PAQR9: variants seen among roughly 807,000 people sequenced by gnomAD.
PAQR9 encodes membrane progestin receptor epsilon.
In PAQR9, 12 loss-of-function variants were observed where a neutral mutation model predicts 24.0. The observed-to-expected ratio is 0.50, with a 90% confidence interval of 0.32 to 0.81. The LOEUF (loss-of-function observed/expected upper bound fraction) is 0.81. Among genes scored for constraint, PAQR9 ranks in the 30% least tolerant of loss-of-function variants. PAQR9 has a pLI of 0.03. For synonymous variants in PAQR9, 266 were observed against 237.6 expected (o/e 1.12, Z -1.10); for missense variants, 418 against 520.8 (o/e 0.80, Z 1.92).
At position 142,962,398 on chromosome 3, in the gene PAQR9, G is replaced by C. The variant is rs1345551886; in HGVS notation, c.939C>G (p.Leu313=). ...LFDIIGHSHQ[L]FHIFTFLSIY... ...TGCTGAGGAAGGTGAAGATGTGGAA[G>C]AGCTGGTGGCTGTGGCCGATAATGT... Residue 313 remains leucine, a synonymous_variant, in exon 1 of 1, where the codon CTC becomes CTG. Transcript: ENST00000340634. 1 of 1,614,198 alleles carries C rather than the reference G, an allele frequency of 6.2e-7. No individual in the cohort carries two copies. Among genetic ancestry groups the C allele is most frequent in the South Asian group, 1.1e-5 (1 of 91,088 alleles).
Position 142,954,862 on chromosome 3 carries a change from T to G in PAQR9, c.*7341A>C, listed in dbSNP as rs1474395361. Among the ~76,000 whole-genome samples the G allele has an allele frequency of 6.6e-6, 1 of 152,196 alleles. No individual in the cohort carries two copies. Among genetic ancestry groups the G allele is most frequent in the East Asian group, 1.9e-4 (1 of 5,200 alleles). On this transcript the variant is annotated 3_prime_UTR_variant, in exon 1 of 1. Coordinates refer to ENST00000340634, the MANE Select transcript of PAQR9 (RefSeq NM_198504.4). ...TTTTCTGTTAGAATACACTATTGAT[T>G]TGAAACCACATGTTAGTCCATGCCT... is the stretch of plus-strand genomic sequence containing the variant.
rs763766829 is a variant in PAQR9 at position 142,962,307 on chromosome 3, G to A, written c.1030C>T (p.Pro344Ser). The stretch of plus-strand genomic sequence containing the variant: ...TAGCCCACAGTACCCGAGAAAGTGG[G>A]TGCGGCAGGCGGCGCCTGGAGGAAC... Reference protein sequence around the residue: ...RQFLQAPPAAPTFSGTVGYML... With the variant: ...RQFLQAPPAASTFSGTVGYML... Residue 344 changes from proline to serine, a missense_variant, in exon 1 of 1, where the codon CCC (proline) becomes TCC (serine). Pro to Ser is a moderately conservative substitution (Grantham distance 74, BLOSUM62 -1). Transcript: ENST00000340634. The A allele has an allele frequency of 1.9e-6, 3 of 1,614,168 alleles. No homozygotes were observed. Among genetic ancestry groups the A allele is most frequent in the East Asian group, 2.2e-5 (1 of 44,882 alleles).
At chr3:142,949,930 T>C (rs1426170822), downstream of PAQR9, 2 of 152,230 alleles carry the variant, frequency 1.3e-5, no homozygotes, top group African/African-American at 4.8e-5. Context: ...TTTTCAGTTT[T>C]AGAAGTTTCT....
upstream of PAQR9, chr3:142,963,677 G>T: frequency 1.6e-6 from 1 of 615,260 alleles, no homozygotes; most frequent in Non-Finnish European, 2.0e-6. Flanking sequence ...CGGTGACTGG[G>T]CATCGCGCGG....
upstream of PAQR9, chr3:142,963,712 C>T: frequency 6.4e-6 from 5 of 775,496 alleles, no homozygotes; most frequent in Non-Finnish European, 7.8e-6. Context: ...CCGCCGCCGC[C>T]CCCGGAGCGG....
downstream of PAQR9, chr3:142,951,632 G>A (rs755345471): frequency 3.1e-5 from 14 of 449,252 alleles, no homozygotes; most frequent in Middle Eastern, 4.4e-3. Context: ...TTACAGGAGT[G>A]GACTCAAGGT....
rs9854774 is a variant in PAQR9, at chr3:142,955,649, T to A, written c.*6554A>T. Among the ~76,000 whole-genome samples, 6,633 of 152,060 alleles carry A rather than the reference T, an allele frequency of 0.044. 281 individuals are homozygous for A. Among genetic ancestry groups the A allele is most frequent in the African/African-American group, 0.11 (4,529 of 41,460 alleles). On this transcript the variant is annotated 3_prime_UTR_variant, in exon 1 of 1. Coordinates refer to ENST00000340634, the MANE Select transcript of PAQR9 (RefSeq NM_198504.4). ...CACCATGCTTATAAACTCATCAAAG[T>A]GAAAGGTGCCTCACCTCTTTATTGC...
In PAQR9 at chr3:142,963,046, G is replaced by T; in HGVS notation, c.291C>A (p.Phe97Leu). Residue 97 changes from phenylalanine (F) to leucine (L), a missense_variant, in exon 1 of 1, where the codon TTC becomes TTA. Coordinates refer to ENST00000340634, the MANE Select transcript of PAQR9 (RefSeq NM_198504.4). The stretch of plus-strand genomic sequence containing the variant: ...AGAACAGACGGCAGAACTTGCTCAG[G>T]AACAGCAGCAGCGGGATGAAGTGCG... ...FWTHFIPLLL[F>L]LSKFCRLFFL... 6.2e-7 allele frequency: 1 copy of T among 1,614,168 alleles called. No individual in the cohort carries two copies. The highest frequency in any genetic ancestry group is 8.5e-7 in the Non-Finnish European group (1 of 1,180,026).
At position 142,958,674 on chromosome 3, in the gene PAQR9, G is replaced by GT. The variant is rs1179559185; in HGVS notation, c.*3528dup. On this transcript the variant is annotated 3_prime_UTR_variant, in exon 1 of 1. Transcript: ENST00000340634. The stretch of plus-strand genomic sequence containing the variant: ...GTATCACTATAAATTAGGCTAAATT[G>GT]TTTTTTGACTGCAAGCACTTACAAG... Among the ~76,000 whole-genome samples the GT allele has an allele frequency of 6.6e-6, 1 of 152,156 alleles. No individual in the cohort carries two copies. Among genetic ancestry groups the GT allele is most frequent in the African/African-American group, 2.4e-5 (1 of 41,440 alleles).
chr3:142,962,174 G>GA lies in PAQR9; in HGVS notation c.*28dup. On this transcript the variant is annotated 3_prime_UTR_variant, in exon 1 of 1. Transcript: ENST00000340634. ...CAACAGAAACTCCAAACAGATGGGC[G>GA]AACCAGTAGTCTCCTCCAAGGCGGA... 1 of 1,594,550 alleles carries GA rather than the reference G, an allele frequency of 6.3e-7. No homozygotes were observed.
At chr3:142,951,296 A>G (rs1259788247), downstream of PAQR9, among the ~76,000 whole-genome samples, 3 of 152,174 alleles carry the variant, frequency 2.0e-5, no homozygotes, top group Non-Finnish European at 4.4e-5. Context: ...TTAAGTAAAC[A>G]TTATGGAAAA....
At chr3:142,954,445 C>T (rs923587821), downstream of PAQR9, among the ~76,000 whole-genome samples, 139 of 152,302 alleles carry the variant, frequency 9.1e-4, no homozygotes, top group African/African-American at 3.2e-3. Context: ...TTGCCTTCTG[C>T]CTGCTGCATT....
chr3:142,962,711 T>C lies in PAQR9; in HGVS notation c.626A>G (p.Tyr209Cys). Residue 209 changes from tyrosine to cysteine, a missense_variant, in exon 1 of 1, where the codon TAC becomes TGC. Transcript: ENST00000340634. ...HVDCTRLIAA[Y>C]RALVLPVAFV... Reference sequence around the variant, plus strand: ...GGCCACAGGCAGCACCAGGGCGCGGTAGGCGGCGATAAGGCGCGTGCAGTC... The same window carrying C: ...GGCCACAGGCAGCACCAGGGCGCGGCAGGCGGCGATAAGGCGCGTGCAGTC... 2 of 1,612,590 alleles carry C rather than the reference T, an allele frequency of 1.2e-6. No individual in the cohort carries two copies. The highest frequency in any genetic ancestry group is 1.7e-6 in the Non-Finnish European group (2 of 1,179,696).
At chr3:142,954,135 C>T (rs1241375766), downstream of PAQR9, among the ~76,000 whole-genome samples, 1 of 152,180 alleles carries the variant, frequency 6.6e-6, no homozygotes, top group South Asian at 2.1e-4. Flanking sequence ...AAGACTTAGC[C>T]ATCACCACAA....
At position 142,955,643 on chromosome 3, in the gene PAQR9, T is replaced by C. The variant is rs954531784; in HGVS notation, c.*6560A>G. 1.4e-4 allele frequency among the ~76,000 whole-genome samples: 21 copies of C among 152,006 alleles called. No individual in the cohort carries two copies. Among genetic ancestry groups the C allele is most frequent in the African/African-American group, 4.4e-4 (18 of 41,370 alleles). On this transcript the variant is annotated 3_prime_UTR_variant, in exon 1 of 1. Coordinates refer to ENST00000340634, the MANE Select transcript of PAQR9 (RefSeq NM_198504.4). ...GTTATTCACCATGCTTATAAACTCA[T>C]CAAAGTGAAAGGTGCCTCACCTCTT...
Position 142,963,282 on chromosome 3 carries a change from C to A in PAQR9, c.55G>T (p.Ala19Ser), listed in dbSNP as rs768911691. 3 of 1,482,776 alleles carry A rather than the reference C, an allele frequency of 2.0e-6. No individual in the cohort carries two copies. The highest frequency in any genetic ancestry group is 2.7e-6 in the Non-Finnish European group (3 of 1,120,056). The allele number at this position is 1,482,776 out of a possible 1,614,324, so 91.9% of individuals were successfully genotyped here. ...GAGTKGPPAP[A>S]PAASGAARNS... ...CGGGCGGCCCCCGAAGCTGCCGGGG[C>A]CGGGGCCGGAGGGCCTTTTGTGCCC... is the stretch of plus-strand genomic sequence containing the variant. Residue 19 changes from alanine to serine, a missense_variant, in exon 1 of 1, where the codon GCC becomes TCC. Physicochemically the swap from Ala to Ser is moderately conservative, Grantham distance 99 (BLOSUM62 1). This residue lies in a region of PAQR9 where 180 missense variants were observed against 190.3 expected (regional missense o/e 0.95). Transcript: ENST00000340634.
At chr3:142,949,687 A>T (rs1218358056), downstream of PAQR9, 1 of 152,198 alleles carries the variant, frequency 6.6e-6, no homozygotes, top group Non-Finnish European at 1.5e-5. Flanking sequence ...TCAGAAACTG[A>T]TAGTGGACTT....
At chr3:142,952,652 CTTTG>C (rs1418770863), downstream of PAQR9, 10 of 406,910 alleles carry the variant, frequency 2.5e-5, no homozygotes, top group Non-Finnish European at 4.0e-5. Flanking sequence ...TTGTGAGTTA[CTTTG>C]TTTGGCCCCA....
At position 142,962,484 on chromosome 3, in the gene PAQR9, C is replaced by A. The variant is rs753893860; in HGVS notation, c.853G>T (p.Val285Leu). ...CTCACGTTGAAGAAGGCGGCCACCA[C>A]CAGCCAGAAGTAGCGGCGGTAGAAG... ...VHFYRRYFWLVVAAFFNVSKI... is the reference protein window; with the variant it reads ...VHFYRRYFWLLVAAFFNVSKI... Residue 285 changes from valine (V) to leucine (L), a missense_variant, in exon 1 of 1, where the codon GTG becomes TTG. This residue lies in a region of PAQR9 where 230 missense variants were observed against 305.2 expected (regional missense o/e 0.75). Transcript: ENST00000340634. 2 of 1,613,250 alleles carry A rather than the reference C, an allele frequency of 1.2e-6. No homozygotes were observed. The highest frequency in any genetic ancestry group is 1.7e-6 in the Non-Finnish European group (2 of 1,179,716).
Sources: allele counts gnomAD v4.1 joint callset (sites outside exome capture counted in the v4.1 genomes callset), GRCh38; gene constraint gnomAD v4.1.1; regional missense constraint gnomAD v4.1.1; transcripts MANE v1.5; gene names NCBI Gene and HGNC (gene_info 2026-07-23, HGNC 2026-07-21).